Variants in PCLO observed in about 807,000 individuals in gnomAD.
PCLO encodes protein piccolo.
In PCLO, 82 loss-of-function variants were observed where a neutral mutation model predicts 427.5. The ratio of observed to expected loss-of-function variants is 0.19; its 90% CI spans 0.16 to 0.23. PCLO has a LOEUF of 0.23. PCLO is among the 10% of genes least tolerant of loss of function. PCLO has a pLI of 1.00. For synonymous variants in PCLO, 2,357 were observed against 2,155.4 expected, an observed-to-expected ratio of 1.09 and a Z score of -2.59; for missense variants, 6,239 against 6,115.9, an observed-to-expected ratio of 1.02 and a Z score of -0.67.
chr7:82,929,495 CA>C (rs1206864034), intron 6 of PCLO, among the ~76,000 whole-genome samples: 1 of 151,990 alleles, frequency 6.6e-6, no homozygotes, highest in African/African-American at 2.4e-5. Flanking sequence ...ATCTACAATG[CA>C]AATTTCTACA....
At chr7:83,112,175 A>C (rs946154956) in intron 3 of PCLO, among the ~76,000 whole-genome samples, 2 of 152,100 alleles carry the variant, frequency 1.3e-5, no homozygotes, top group East Asian at 3.9e-4. Flanking sequence ...CTCCTGCCTC[A>C]GCCTCCTGAG....
At chr7:83,111,651 G>A (rs191740818) in intron 3 of PCLO, among the ~76,000 whole-genome samples, 1 of 152,298 alleles carries the variant, frequency 6.6e-6, no homozygotes, top group East Asian at 1.9e-4. Context: ...AGTAACTCCA[G>A]ATAGGAACTA....
chr7:83,057,613 G>A (rs1301121200), intron 3 of PCLO, among the ~76,000 whole-genome samples: 5 of 150,214 alleles, frequency 3.3e-5, no homozygotes, highest in African/African-American at 4.9e-5. Context: ...CACCCGCCTC[G>A]GCCTCCCAAA....
intron 9 of PCLO, among the ~76,000 whole-genome samples, chr7:82,892,304 C>T (rs940087393): frequency 3.0e-4 from 45 of 152,028 alleles, no homozygotes; most frequent in African/African-American, 1.0e-3. Context: ...TTTGACAAAC[C>T]TGACAAAAAC....
chr7:82,841,883 T>TTAA (rs1792376568), intron 13 of PCLO, among the ~76,000 whole-genome samples: 1 of 152,250 alleles, frequency 6.6e-6, no homozygotes, highest in Admixed American at 6.5e-5. Context: ...ATTGGTTTAA[T>TTAA]ACAAGAACTG....
At chr7:82,862,274 G>T (rs185454631) in intron 10 of PCLO, among the ~76,000 whole-genome samples, 1 of 151,862 alleles carries the variant, frequency 6.6e-6, no homozygotes, top group Non-Finnish European at 1.5e-5. Context: ...AGTTAAAATG[G>T]CTTATGTCCA....
chr7:82,853,735 T>G (rs1792728729), intron 10 of PCLO, among the ~76,000 whole-genome samples: 1 of 152,174 alleles, frequency 6.6e-6, no homozygotes, highest in Admixed American at 6.5e-5. Flanking sequence ...CTTTTCACCC[T>G]AATTGAATTG....
chr7:82,927,704 C>T (rs558864559), intron 6 of PCLO, among the ~76,000 whole-genome samples: 1 of 152,258 alleles, frequency 6.6e-6, no homozygotes, highest in South Asian at 2.1e-4. Context: ...AATCTCACTG[C>T]TTATTCATTC....
At chr7:83,007,577 G>A (rs956229301) in intron 3 of PCLO, among the ~76,000 whole-genome samples, 1 of 151,468 alleles carries the variant, frequency 6.6e-6, no homozygotes, top group Non-Finnish European at 1.5e-5. Context: ...TAAAAATTAC[G>A]ATGATAAGAT....
intron 6 of PCLO, among the ~76,000 whole-genome samples, chr7:82,927,957 CATTA>C (rs1239861656): frequency 6.6e-6 from 1 of 152,026 alleles, no homozygotes; most frequent in Admixed American, 6.6e-5. Context: ...CTGTAAAAAT[CATTA>C]ATTAAATTTG....
chr7:82,914,680 A>G lies in PCLO; in HGVS notation c.13300+6T>C, dbSNP rs752096765. ...GAGTAACAGGGTAGTTTGAGGCCCAATTTACCTTCACTGTCTGACATGGCA... is the reference window on the plus strand; with the variant it reads ...GAGTAACAGGGTAGTTTGAGGCCCAGTTTACCTTCACTGTCTGACATGGCA... On this transcript the variant is annotated splice_donor_region_variant and intron_variant, in intron 7 of 24. Coordinates refer to ENST00000333891, the MANE Select transcript of PCLO (RefSeq NM_033026.6). 6.2e-7 allele frequency: 1 copy of G among 1,612,646 alleles called. No individual in the cohort carries two copies. The highest frequency in any genetic ancestry group is 1.1e-5 in the South Asian group (1 of 90,924).
At chr7:82,935,236 C>G (rs980767954) in intron 6 of PCLO, among the ~76,000 whole-genome samples, 2 of 146,462 alleles carry the variant, frequency 1.4e-5, no homozygotes, top group Non-Finnish European at 3.0e-5. Flanking sequence ...GATTTGCACT[C>G]AGACATACAA....
chr7:82,763,318 C>T (rs1218681877), intron 22 of PCLO, among the ~76,000 whole-genome samples: 2 of 151,990 alleles, frequency 1.3e-5, no homozygotes. Flanking sequence ...ATATAAATAT[C>T]AACCAAGTGA....
chr7:83,015,440 G>A (rs955898852), intron 3 of PCLO, among the ~76,000 whole-genome samples: 1 of 151,638 alleles, frequency 6.6e-6, no homozygotes, highest in Admixed American at 6.6e-5. Flanking sequence ...GCTCTCCCAA[G>A]TTCCATATAT....
chr7:82,934,008 A>C (rs572320109), intron 6 of PCLO, among the ~76,000 whole-genome samples: 1 of 152,060 alleles, frequency 6.6e-6, no homozygotes, highest in Non-Finnish European at 1.5e-5. Context: ...TTGCCAATTA[A>C]GGCAAGTGAG....
At chr7:83,079,810 A>C (rs1455901010) in intron 3 of PCLO, among the ~76,000 whole-genome samples, 1 of 152,046 alleles carries the variant, frequency 6.6e-6, no homozygotes, top group Admixed American at 6.6e-5. Flanking sequence ...TGCACCTATC[A>C]ACCCATTACT....
At chr7:82,844,764 C>T (rs1484464645) in intron 13 of PCLO, among the ~76,000 whole-genome samples, 4 of 151,864 alleles carry the variant, frequency 2.6e-5, no homozygotes, top group South Asian at 2.1e-4. Flanking sequence ...GCATTTGTTT[C>T]GAATGAAGAT....
chr7:83,048,245 C>T (rs1252304137), intron 3 of PCLO, among the ~76,000 whole-genome samples: 35 of 151,750 alleles, frequency 2.3e-4, no homozygotes, highest in Admixed American at 2.0e-3. Flanking sequence ...TTTTATAACA[C>T]GTAATTATGT....
intron 9 of PCLO, among the ~76,000 whole-genome samples, chr7:82,892,181 A>G (rs1352208715): frequency 6.6e-6 from 1 of 152,194 alleles, no homozygotes; most frequent in African/African-American, 2.4e-5. Flanking sequence ...AAACTATACT[A>G]CAAGGCTACA....
Sources: allele counts gnomAD v4.1 joint callset (sites outside exome capture counted in the v4.1 genomes callset), GRCh38; gene constraint gnomAD v4.1.1; transcripts MANE v1.5; gene names NCBI Gene and HGNC (gene_info 2026-07-23, HGNC 2026-07-21).